The following TENM1 variants were observed in gnomAD, a reference collection of about 807,000 sequenced individuals.
The protein encoded by TENM1 is teneurin transmembrane protein 1, also known as teneurin-1.
A neutral mutation model predicts 174.8 loss-of-function variants in TENM1; 35 were observed. The ratio of observed to expected loss-of-function variants is 0.20; its 90% confidence interval spans 0.15 to 0.27. The LOEUF (loss-of-function observed/expected upper bound fraction) is 0.27, where lower values mean the gene tolerates loss of function less well. Ranked by LOEUF, TENM1 falls within the 10% of genes least tolerant of loss-of-function variation. TENM1 has a pLI of 1.00. For synonymous variants in TENM1, 781 were observed against 798.7 expected (o/e 0.98, Z 0.37); for missense variants, 1,633 against 2,130.1 (o/e 0.77, Z 4.59).
intron 1 of TENM1, among the ~76,000 whole-genome samples, chrX:124,917,215 G>T (rs2057940340): frequency 8.9e-6 from 1 of 111,784 alleles, no homozygotes; most frequent in Non-Finnish European, 1.9e-5. Flanking sequence ...GAGAGAGGTA[G>T]GAATACAAGG....
chrX:124,819,403 G>T (rs2147289732), intron 3 of TENM1, among the ~76,000 whole-genome samples: 1 of 111,397 alleles, frequency 9.0e-6, no homozygotes, highest in African/African-American at 3.3e-5. Context: ...GATTAAATGA[G>T]AAAACTTATG....
At chrX:125,142,359 G>T in the TENM1 span, among the ~76,000 whole-genome samples, 4 of 110,671 alleles carry the variant, frequency 3.6e-5, no homozygotes, top group Admixed American at 1.9e-4. Context: ...AAAATTATTC[G>T]TACCACAATG....
chrX:124,995,297 G>A, the TENM1 span, among the ~76,000 whole-genome samples: 1 of 110,966 alleles, frequency 9.0e-6, no homozygotes, highest in African/African-American at 3.3e-5. Flanking sequence ...TTTTAATACT[G>A]TCTGTCTTTA....
intron 15 of TENM1, among the ~76,000 whole-genome samples, chrX:124,541,660 C>T (rs183837842): frequency 1.8e-5 from 2 of 112,071 alleles, no homozygotes; most frequent in East Asian, 5.6e-4. Flanking sequence ...ACAGAGCACT[C>T]ACACTTCAAA....
intron 23 of TENM1, among the ~76,000 whole-genome samples, chrX:124,443,198 C>T (rs1425359925): frequency 1.8e-5 from 2 of 108,695 alleles, no homozygotes; most frequent in African/African-American, 6.7e-5. Context: ...ACCCCTTCTA[C>T]AGAGCTGTGT....
chrX:124,433,936 A>G (rs1432992838), intron 23 of TENM1, among the ~76,000 whole-genome samples: 3 of 112,206 alleles, frequency 2.7e-5, no homozygotes, highest in Non-Finnish European at 3.8e-5. Context: ...GTTATGTCTT[A>G]TAGTCCATGG....
chrX:124,471,300 A>C (rs1233500999), intron 22 of TENM1, among the ~76,000 whole-genome samples: 1 of 47,615 alleles, frequency 2.1e-5, no homozygotes, highest in Non-Finnish European at 3.2e-5. Context: ...ACTATATATT[A>C]TAATATATAG....
At chrX:124,511,552 G>A (rs1192719720) in intron 18 of TENM1, among the ~76,000 whole-genome samples, 1 of 111,139 alleles carries the variant, frequency 9.0e-6, no homozygotes, top group African/African-American at 3.3e-5. Context: ...AGGACTCTAG[G>A]CCAGTTACTT....
chrX:124,477,676 C>T (rs1184702326), intron 22 of TENM1, among the ~76,000 whole-genome samples: 2 of 101,429 alleles, frequency 2.0e-5, no homozygotes, highest in African/African-American at 7.3e-5. Context: ...CGCTGGAACT[C>T]GGGAGGTGGA....
the TENM1 span, among the ~76,000 whole-genome samples, chrX:124,978,452 GA>G: frequency 8.9e-6 from 1 of 111,811 alleles, no homozygotes; most frequent in African/African-American, 3.3e-5. Flanking sequence ...GGACATTTTA[GA>G]TAATATAGTA....
the TENM1 span, among the ~76,000 whole-genome samples, chrX:124,977,965 TGTGAGAGAGAGAGAGAGAGAGAGAGA>T: frequency 4.1e-4 from 6 of 14,636 alleles, no homozygotes; most frequent in East Asian, 1.8e-3. Flanking sequence ...TGTGTGTGTG[TGTGAGAGAGAGAGAGAGAGAGAGAGA>T]GAGAGAGAGA....
At chrX:124,757,479 G>A (rs1263975253) in intron 3 of TENM1, among the ~76,000 whole-genome samples, 2 of 112,424 alleles carry the variant, frequency 1.8e-5, no homozygotes, top group African/African-American at 3.2e-5. Context: ...GCTTCGGCTC[G>A]CACACGGTGC....
At chrX:124,690,484 A>AGAGTGT (rs1206405527) in intron 5 of TENM1, among the ~76,000 whole-genome samples, 3 of 93,486 alleles carry the variant, frequency 3.2e-5, no homozygotes, top group African/African-American at 1.2e-4. Context: ...GCTTTGTTAG[A>AGAGTGT]GTGTGTGTGT....
chrX:124,998,891 T>A, the TENM1 span, among the ~76,000 whole-genome samples: 4 of 111,941 alleles, frequency 3.6e-5, no homozygotes, highest in Non-Finnish European at 5.7e-5. Flanking sequence ...TCTTCTTTAG[T>A]AATTGTGTTC....
chrX:125,154,462 C>G, the TENM1 span, among the ~76,000 whole-genome samples: 2 of 112,070 alleles, frequency 1.8e-5, no homozygotes, highest in Non-Finnish European at 3.8e-5. Context: ...GACTTGAAAA[C>G]TACTTTGAAA....
chrX:124,665,117 C>T (rs1311964276), intron 6 of TENM1, among the ~76,000 whole-genome samples: 1 of 111,849 alleles, frequency 8.9e-6, no homozygotes. Context: ...GCGGGCAGAT[C>T]ACCGGAGGTT....
At chrX:124,822,917 G>A (rs890828477) in intron 3 of TENM1, among the ~76,000 whole-genome samples, 13 of 112,067 alleles carry the variant, frequency 1.2e-4, no homozygotes, top group African/African-American at 3.2e-4. Context: ...GCTATCTTAT[G>A]TCTTATGTTT....
the TENM1 span, among the ~76,000 whole-genome samples, chrX:125,144,796 GGC>G: frequency 4.6e-5 from 5 of 108,640 alleles, no homozygotes; most frequent in Admixed American, 3.9e-4. Flanking sequence ...GGAGTGCAGT[GGC>G]ACGATCTTGG....
At chrX:124,605,198 A>G (rs2148290237) in intron 11 of TENM1, among the ~76,000 whole-genome samples, 1 of 100,630 alleles carries the variant, frequency 9.9e-6, no homozygotes, top group East Asian at 3.1e-4. Flanking sequence ...AAAGTTCAAT[A>G]CTGCTTTCAC....
Sources: gnomAD v4.1 joint callset for allele counts (sites outside exome capture counted in the v4.1 genomes callset) on GRCh38, gnomAD v4.1.1 for gene constraint, MANE v1.5 for transcripts, NCBI Gene and HGNC (gene_info 2026-07-23, HGNC 2026-07-21) for gene names.